The following CCDC85C variants were observed in gnomAD, a reference collection of about 807,000 sequenced individuals.
The protein encoded by CCDC85C is coiled-coil domain-containing protein 85C.
In CCDC85C, 18 loss-of-function variants were observed where a neutral mutation model predicts 38.3. The observed-to-expected ratio is 0.47, with a 90% confidence interval of 0.33 to 0.70. The LOEUF (loss-of-function observed/expected upper bound fraction) is 0.70. CCDC85C is among the 30% of genes least tolerant of loss of function. CCDC85C has a pLI of 0.03. For synonymous variants in CCDC85C, 264 were observed against 293.8 expected (o/e 0.90, Z 1.04); for missense variants, 566 against 621.2 (o/e 0.91, Z 0.94).
In CCDC85C at chr14:99,507,017, G is replaced by T; in HGVS notation, c.*8229C>A. 1 of 1,000,962 alleles carries T rather than the reference G, an allele frequency of 1.0e-6. No individual in the cohort carries two copies. 62.0% of individuals were successfully genotyped at this position (1,000,962 alleles called of 1,614,324 possible). A position where few individuals can be genotyped will look rare whatever the true frequency, so the allele number is the denominator to read the frequency against. ...TCTCTGCCAGTACATTTTTCTTTAT[G>T]ACATGCTTATTCATGTGAAGAAGTA... On this transcript the variant is annotated 3_prime_UTR_variant, in exon 6 of 6. Coordinates refer to ENST00000380243, the MANE Select transcript of CCDC85C (RefSeq NM_001144995.2).
intron 1 of CCDC85C, chr14:99,573,078 A>G (rs11625868): frequency 0.14 from 43,786 of 323,992 alleles, 3,201 homozygotes; most frequent in South Asian, 0.18. Context: ...GTGAAGCCTA[A>G]GCTGTTTCCG....
intron 1 of CCDC85C, among the ~76,000 whole-genome samples, chr14:99,571,199 G>T (rs1011879738): frequency 1.3e-5 from 2 of 152,234 alleles, no homozygotes; most frequent in Middle Eastern, 3.4e-3. Flanking sequence ...CATGGGGGAG[G>T]GGCTGGGAGA....
rs189751730 is a variant in CCDC85C, at chr14:99,516,049, C to A, written c.1170+139G>T. 33 of 711,400 alleles carry A rather than the reference C, an allele frequency of 4.6e-5. 1 individual carries two copies. The East Asian group carries it at 5.7e-4, about 12-fold the overall frequency. 44.1% of individuals were successfully genotyped at this position (711,400 alleles called of 1,614,324 possible). A position where few individuals can be genotyped will look rare whatever the true frequency, so the allele number is the denominator to read the frequency against. ...GCTCCTAGCACCTCTGAGGCCTCCCCCCAGCTATCCAAGGTCACCCAGCCT... is the reference window on the plus strand; with the variant it reads ...GCTCCTAGCACCTCTGAGGCCTCCCACCAGCTATCCAAGGTCACCCAGCCT... On this transcript the variant is annotated intron_variant, in intron 5 of 5. Transcript: ENST00000380243. This position sits in a 1 kb window ranked among gnomAD's most constrained non-coding sequence, Gnocchi z 5.5.
At chr14:99,573,062 G>A in intron 1 of CCDC85C, 1 of 328,396 alleles carries the variant, frequency 3.0e-6, no homozygotes, top group South Asian at 2.6e-5. Flanking sequence ...AAATGAGAGG[G>A]GACAAGTGAA....
chr14:99,535,012 C>A lies in CCDC85C; in HGVS notation c.867+1003G>T. The A allele has an allele frequency of 2.6e-6, 1 of 390,900 alleles. No homozygotes were observed. Among genetic ancestry groups the A allele is most frequent in the Non-Finnish European group, 4.7e-6 (1 of 212,430 alleles). 24.2% of individuals were successfully genotyped at this position (390,900 alleles called of 1,614,324 possible). ...GGCCCTGGGAACCTTCCCCACAGCC[C>A]ACAAAGGGGTGAGACGTGAGGATGA... On this transcript the variant is annotated intron_variant, in intron 2 of 5. Transcript: ENST00000380243. This position sits in a 1 kb window ranked among gnomAD's most constrained non-coding sequence, Gnocchi z 5.5.
intron 1 of CCDC85C, among the ~76,000 whole-genome samples, chr14:99,582,653 G>A (rs1359134235): frequency 6.6e-6 from 1 of 151,984 alleles, no homozygotes; most frequent in Non-Finnish European, 1.5e-5. Flanking sequence ...CCCTCTCTAT[G>A]AAAAATACAA....
At chr14:99,570,835 G>A (rs1447885732) in intron 1 of CCDC85C, among the ~76,000 whole-genome samples, 1 of 146,592 alleles carries the variant, frequency 6.8e-6, no homozygotes, top group African/African-American at 2.6e-5. Flanking sequence ...AAGGAGAAGG[G>A]CAGAGCCGCC....
chr14:99,523,954 G>A (rs1014975743), intron 2 of CCDC85C, among the ~76,000 whole-genome samples: 1 of 150,450 alleles, frequency 6.6e-6, no homozygotes, highest in African/African-American at 2.5e-5. Flanking sequence ...ACCAAAAAGA[G>A]GAAGAGGCTA....
chr14:99,531,586 G>GT (rs1414847784), intron 2 of CCDC85C, among the ~76,000 whole-genome samples: 2 of 112,752 alleles, frequency 1.8e-5, no homozygotes, highest in East Asian at 5.5e-4. Context: ...CCATGGGTGG[G>GT]GGGGGGGGTG....
chr14:99,578,790 C>G (rs935444932), intron 1 of CCDC85C, among the ~76,000 whole-genome samples: 31 of 152,202 alleles, frequency 2.0e-4, no homozygotes, highest in African/African-American at 7.5e-4. Context: ...GCCCCAGCCC[C>G]CTTCCAAGAC....
intron 1 of CCDC85C, among the ~76,000 whole-genome samples, chr14:99,577,692 T>C (rs573502533): frequency 1.1e-4 from 17 of 151,430 alleles, no homozygotes; most frequent in Non-Finnish European, 2.2e-4. Context: ...TGTGTGTGTG[T>C]GTGTGTACAC....
At chr14:99,559,177 T>A (rs187253266) in intron 1 of CCDC85C, among the ~76,000 whole-genome samples, 1 of 151,720 alleles carries the variant, frequency 6.6e-6, no homozygotes, top group East Asian at 1.9e-4. Context: ...ATCTTAGGTA[T>A]TTCTTTACAG....
At chr14:99,528,473 C>T (rs1897430758) in intron 2 of CCDC85C, among the ~76,000 whole-genome samples, 1 of 152,222 alleles carries the variant, frequency 6.6e-6, no homozygotes, top group Non-Finnish European at 1.5e-5. Flanking sequence ...TCACTGAAGA[C>T]CTGCCATGTG....
chr14:99,587,188 C>G (rs902121309), intron 1 of CCDC85C, among the ~76,000 whole-genome samples: 22 of 152,380 alleles, frequency 1.4e-4, no homozygotes, highest in African/African-American at 5.0e-4. Flanking sequence ...AATCTCAGGA[C>G]AGAGATACAG....
At chr14:99,589,304 G>A (rs900946310) in intron 1 of CCDC85C, among the ~76,000 whole-genome samples, 1 of 152,172 alleles carries the variant, frequency 6.6e-6, no homozygotes, top group Non-Finnish European at 1.5e-5. Flanking sequence ...GGACGGCTGG[G>A]CGCCCAGGGT....
intron 2 of CCDC85C, among the ~76,000 whole-genome samples, chr14:99,528,236 G>A (rs925178433): frequency 6.6e-6 from 1 of 152,146 alleles, no homozygotes; most frequent in Non-Finnish European, 1.5e-5. Context: ...AGCTTCTCGG[G>A]CGGCCGTAGG....
At position 99,522,253 on chromosome 14, in the gene CCDC85C, G is replaced by T; in HGVS notation, c.868-13C>A. 1 of 1,538,972 alleles carries T rather than the reference G, an allele frequency of 6.5e-7. No individual in the cohort carries two copies. Among genetic ancestry groups the T allele is most frequent in the Non-Finnish European group, 8.8e-7 (1 of 1,141,168 alleles). On this transcript the variant is annotated splice_polypyrimidine_tract_variant and intron_variant, in intron 2 of 5. Coordinates refer to ENST00000380243, the MANE Select transcript of CCDC85C (RefSeq NM_001144995.2). ...CGGAGCCTGCCTGCTGCAGGGGAGA[G>T]AAGGAGAGGGGTTAGACGGAGGGCC...
intron 1 of CCDC85C, among the ~76,000 whole-genome samples, chr14:99,584,558 G>C (rs941080169): frequency 6.6e-6 from 1 of 152,186 alleles, no homozygotes; most frequent in East Asian, 1.9e-4. Context: ...GTCATGTTAC[G>C]TCAGGAGAGG....
At position 99,516,646 on chromosome 14, in the gene CCDC85C, A is replaced by T. The variant is rs1176041203; in HGVS notation, c.1072-360T>A. 2.6e-5 allele frequency among the ~76,000 whole-genome samples: 4 copies of T among 151,714 alleles called. No individual in the cohort carries two copies. Among genetic ancestry groups the T allele is most frequent in the Non-Finnish European group, 5.9e-5 (4 of 67,914 alleles). On this transcript the variant is annotated intron_variant, in intron 4 of 5. Coordinates refer to ENST00000380243, the MANE Select transcript of CCDC85C (RefSeq NM_001144995.2). The surrounding 1 kb of genome is among the most constrained non-coding windows in gnomAD (Gnocchi z 5.5). ...AGGCGTGGCCGTGCATGCATGTGGG[A>T]TGTCATGGGGCACGTACGTAGGAGG...
Sources: allele counts gnomAD v4.1 joint callset (sites outside exome capture counted in the v4.1 genomes callset), GRCh38; gene constraint gnomAD v4.1.1; non-coding constraint Gnocchi (gnomAD v3.1); transcripts MANE v1.5; gene names NCBI Gene and HGNC (gene_info 2026-07-23, HGNC 2026-07-21).